The following R3HDM1 variants were observed in gnomAD, a reference collection of about 807,000 sequenced individuals.
The protein encoded by R3HDM1 is R3H domain-containing protein 1.
R3HDM1 carries 46 observed loss-of-function variants against 141.1 expected under a neutral mutation model. That is an observed-to-expected ratio of 0.33 (90% CI 0.26 to 0.42). The LOEUF (loss-of-function observed/expected upper bound fraction) is 0.42. R3HDM1 is among the 10% of genes least tolerant of loss of function. R3HDM1 has a pLI of 1.00. For missense variants in R3HDM1, 1,184 were observed against 1,368.3 expected (o/e 0.87, Z 2.12); for synonymous variants, 435 against 472.9 (o/e 0.92, Z 1.04).
intron 1 of R3HDM1, among the ~76,000 whole-genome samples, chr2:135,577,781 C>T (rs553190407): frequency 4.8e-5 from 7 of 144,830 alleles, no homozygotes; most frequent in Admixed American, 3.6e-4. Flanking sequence ...GAGGTTACGA[C>T]GAGCCAAGAT....
chr2:135,721,873 C>A, intron 24 of R3HDM1, 51 bp from the exon 25 acceptor site: 1 of 1,516,728 alleles, frequency 6.6e-7, no homozygotes, highest in Non-Finnish European at 9.1e-7. Flanking sequence ...CAGGCATGAA[C>A]CACCGTGCCC....
At chr2:135,539,909 A>G (rs1447188564) in intron 1 of R3HDM1, among the ~76,000 whole-genome samples, 1 of 152,176 alleles carries the variant, frequency 6.6e-6, no homozygotes, top group African/African-American at 2.4e-5. Flanking sequence ...TAAGACAACA[A>G]TGAAAACAAT....
At chr2:135,651,528 AATAATTT>A (rs1237495383) in intron 17 of R3HDM1, 195 bp from the exon 18 acceptor site, 7 of 939,540 alleles carry the variant, frequency 7.5e-6, no homozygotes, top group East Asian at 1.2e-4. Context: ...ATATTTTTTA[AATAATTT>A]ATAATTTATA....
chr2:135,563,208 T>C (rs767818301), intron 1 of R3HDM1, among the ~76,000 whole-genome samples: 11 of 152,248 alleles, frequency 7.2e-5, no homozygotes, highest in Non-Finnish European at 1.5e-4. Flanking sequence ...AATGCGTGCA[T>C]GTGTGTCACT....
At chr2:135,550,327 C>T in intron 1 of R3HDM1, 1 of 703,354 alleles carries the variant, frequency 1.4e-6, no homozygotes. Context: ...AGGCAAGCAG[C>T]TTTCATACAG....
At chr2:135,704,275 C>A (rs989520276) in intron 21 of R3HDM1, among the ~76,000 whole-genome samples, 2 of 152,310 alleles carry the variant, frequency 1.3e-5, no homozygotes, top group African/African-American at 2.4e-5. Flanking sequence ...CCGCCACACC[C>A]GGCTGAACTG....
intron 1 of R3HDM1, chr2:135,531,841 C>G: frequency 1.0e-6 from 1 of 985,364 alleles, no homozygotes; most frequent in Non-Finnish European, 1.2e-6. Flanking sequence ...GCCGTTAGGT[C>G]GGGTTCCGAG....
intron 24 of R3HDM1, among the ~76,000 whole-genome samples, chr2:135,717,560 C>T (rs1049907944): frequency 6.6e-6 from 1 of 151,978 alleles, no homozygotes; most frequent in African/African-American, 2.4e-5. Flanking sequence ...GAACAATAGA[C>T]ACTTGGGTCT....
At chr2:135,574,095 A>G (rs1351851903) in intron 1 of R3HDM1, among the ~76,000 whole-genome samples, 2 of 152,294 alleles carry the variant, frequency 1.3e-5, no homozygotes, top group East Asian at 1.9e-4. Context: ...TTAAAATTAT[A>G]AAATAGACAA....
rs1011299640 is a variant in R3HDM1, at chr2:135,649,929, C to T, written c.1651C>T (p.Gln551Ter). 7.7e-7 allele frequency: 1 copy of T among 1,291,958 alleles called. No individual in the cohort carries two copies. Among genetic ancestry groups the T allele is most frequent in the East Asian group, 5.7e-5 (1 of 17,698 alleles). The allele number at this position is 1,291,958 out of a possible 1,614,324, so 80.0% of individuals were successfully genotyped here. Residue 551 changes from glutamine (Q) to a stop codon, truncating the protein, a stop_gained, in exon 17 of 27, where the codon CAG (glutamine) becomes TAG (stop). Coordinates refer to ENST00000683871, the MANE Select transcript of R3HDM1 (RefSeq NM_001378107.1). LOFTEE classifies it high-confidence loss of function. ...QPVHPLQSSS[Q>*]PVQYSTAPYP... is the part of the protein sequence containing the mutation. ...TGTTCATCCTCTGCAGTCCTCTTCA[C>T]AGCCTGTTCAGTACTCTACAGCCCC...
At chr2:135,715,771 G>A in intron 24 of R3HDM1, 77 bp downstream of exon 24, 1 of 1,501,118 alleles carries the variant, frequency 6.7e-7, no homozygotes, top group Non-Finnish European at 9.0e-7. Flanking sequence ...ATTTATCTTG[G>A]TAATATTGCC....
chr2:135,710,032 T>G, intron 22 of R3HDM1, 27 bp from the exon 23 acceptor site: 1 of 1,606,450 alleles, frequency 6.2e-7, no homozygotes, highest in South Asian at 1.1e-5. Flanking sequence ...ATATTCTGAC[T>G]ATAGCATCCT....
chr2:135,541,925 T>C (rs1697669472), intron 1 of R3HDM1, among the ~76,000 whole-genome samples: 1 of 152,016 alleles, frequency 6.6e-6, no homozygotes. Context: ...GTTGAGTATT[T>C]TTTACCCAAA....
Position 135,701,846 on chromosome 2 carries a change from C to G in R3HDM1, c.2460-7587C>G, listed in dbSNP as rs147932838. On this transcript the variant is annotated intron_variant, in intron 21 of 26. Transcript: ENST00000683871. ...TAACTGAAACCAAGGAAAGCAAAAC[C>G]ACAGATAAGGGGTGACTACTGTGTG... 5.1e-4 allele frequency among the ~76,000 whole-genome samples: 78 copies of G among 152,234 alleles called. 1 individual carries two copies. The highest frequency in any genetic ancestry group is 1.8e-3 in the African/African-American group (73 of 41,536).
intron 1 of R3HDM1, among the ~76,000 whole-genome samples, chr2:135,568,394 G>T (rs1330617783): frequency 1.3e-5 from 2 of 151,102 alleles, no homozygotes; most frequent in Non-Finnish European, 2.9e-5. Flanking sequence ...TTGTTGCCCA[G>T]GCTGGAGTGC....
chr2:135,677,137 A>G (rs554648543), intron 20 of R3HDM1, among the ~76,000 whole-genome samples: 212 of 152,358 alleles, frequency 1.4e-3, no homozygotes, highest in African/African-American at 4.8e-3. Flanking sequence ...GTGCAAGCAT[A>G]TTCCATATAA....
chr2:135,552,071 G>A (rs536081771), intron 1 of R3HDM1, among the ~76,000 whole-genome samples: 3 of 152,292 alleles, frequency 2.0e-5, no homozygotes, highest in South Asian at 4.1e-4. Flanking sequence ...TGTGTCTAAT[G>A]TGCAAGGGAT....
At chr2:135,618,212 G>A (rs886399863) in intron 5 of R3HDM1, among the ~76,000 whole-genome samples, 29 of 148,776 alleles carry the variant, frequency 1.9e-4, no homozygotes, top group Non-Finnish European at 5.9e-5. Context: ...TGACCGGGCT[G>A]GAGTGCAATG....
intron 9 of R3HDM1, among the ~76,000 whole-genome samples, chr2:135,633,023 A>G (rs1214380309): frequency 6.6e-6 from 1 of 152,128 alleles, no homozygotes; most frequent in Non-Finnish European, 1.5e-5. Context: ...CTTTTTGTAA[A>G]CTAAGTAAAT....
Sources: allele counts gnomAD v4.1 joint callset (sites outside exome capture counted in the v4.1 genomes callset), GRCh38; gene constraint gnomAD v4.1.1; transcripts MANE v1.5; gene names NCBI Gene and HGNC (gene_info 2026-07-23, HGNC 2026-07-21).